Variants in ARHGEF26 observed in about 807,000 individuals in gnomAD.
ARHGEF26 encodes the protein Rho guanine nucleotide exchange factor (GEF) 26.
ARHGEF26 carries 59 observed loss-of-function variants against 89.4 expected under a neutral mutation model. The observed-to-expected ratio is 0.66, with a 90% CI of 0.54 to 0.82. The LOEUF is 0.82. Among genes scored for constraint, ARHGEF26 ranks in the 40% least tolerant of loss-of-function variants. The pLI is 0.00. For missense variants in ARHGEF26, 1,234 were observed against 1,085.6 expected (o/e 1.14, Z -1.92); for synonymous variants, 500 against 428.4 (o/e 1.17, Z -2.06).
At chr3:154,226,660 TACAC>T (rs3029724) in intron 11 of ARHGEF26, among the ~76,000 whole-genome samples, 77,291 of 147,986 alleles carry the variant, frequency 0.52, 20,601 homozygotes, top group East Asian at 0.82. Context: ...GTTTCTGTTC[TACAC>T]ACACACACAC....
In ARHGEF26 at chr3:154,122,270, A is replaced by G. The variant is rs574208989; in HGVS notation, c.278A>G (p.Asn93Ser). 6.1e-5 allele frequency: 99 copies of G among 1,612,464 alleles called. No homozygotes were observed. In the East Asian group the frequency reaches 6.5e-4, roughly 11 times the overall value. Residue 93 changes from asparagine to serine, a missense_variant, in exon 2 of 15, where the codon AAT becomes AGT. Physicochemically the swap from Asn to Ser is conservative, Grantham distance 46. Transcript: ENST00000465093. ...GGCGCCCAGCGGAGAGCGGTGGCCA[A>G]TGGTGGGACGGCATCCCCGGAGTAC... ...LLGAQRRAVA[N>S]GGTASPEYRA...
chr3:154,231,591 TC>T (rs1251845103), intron 11 of ARHGEF26, among the ~76,000 whole-genome samples: 1 of 132,704 alleles, frequency 7.5e-6, no homozygotes, highest in African/African-American at 2.8e-5. Flanking sequence ...GGTATTGTGT[TC>T]TCTCTCTAAA....
chr3:154,192,773 A>G lies in ARHGEF26; in HGVS notation c.1770+1355A>G, dbSNP rs369645721. Among the ~76,000 whole-genome samples, 16 of 152,302 alleles carry G rather than the reference A, an allele frequency of 1.1e-4. 1 individual carries two copies. In the South Asian group the frequency reaches 3.3e-3, roughly 32 times the overall value. On this transcript the variant is annotated intron_variant, in intron 8 of 14. Coordinates refer to ENST00000465093, the MANE Select transcript of ARHGEF26 (RefSeq NM_015595.4). ...GCCTTGTAAATACAACATTTCTTGTAATATTAGACTTTTGAATTTTCAGGG... is the reference window on the plus strand; with the variant it reads ...GCCTTGTAAATACAACATTTCTTGTGATATTAGACTTTTGAATTTTCAGGG...
Position 154,217,893 on chromosome 3 carries a change from G to A in ARHGEF26, c.1870G>A (p.Ala624Thr), listed in dbSNP as rs774329182. Residue 624 changes from alanine (A) to threonine (T), a missense_variant, in exon 10 of 15, where the codon GCC becomes ACC. Physicochemically the swap from Ala to Thr is moderately conservative, Grantham distance 58. Transcript: ENST00000465093. ...SKLVRLCNEGARKMERTEMMY... is the reference protein window; with the variant it reads ...SKLVRLCNEGTRKMERTEMMY... ...GTTGGTTCGACTATGCAATGAGGGCGCCCGGAAGATGGAAAGGACTGAGAT... is the reference window on the plus strand; with the variant it reads ...GTTGGTTCGACTATGCAATGAGGGCACCCGGAAGATGGAAAGGACTGAGAT... The A allele has an allele frequency of 5.0e-6, 8 of 1,602,014 alleles. No homozygotes were observed. Among genetic ancestry groups the A allele is most frequent in the Non-Finnish European group, 5.1e-6 (6 of 1,174,100 alleles).
chr3:154,153,623 A>G (rs1394466260), intron 6 of ARHGEF26, among the ~76,000 whole-genome samples: 1 of 152,100 alleles, frequency 6.6e-6, no homozygotes, highest in African/African-American at 2.4e-5. Context: ...TGTAAGTAGT[A>G]GAGTCACATG....
intron 3 of ARHGEF26, among the ~76,000 whole-genome samples, chr3:154,127,522 T>C (rs1232431797): frequency 3.0e-5 from 1 of 33,078 alleles, no homozygotes; most frequent in African/African-American, 2.1e-4. Flanking sequence ...GTAACATACA[T>C]GGGGCTGTCA....
intron 4 of ARHGEF26, among the ~76,000 whole-genome samples, chr3:154,143,964 G>A (rs937752148): frequency 6.6e-6 from 1 of 152,196 alleles, no homozygotes; most frequent in Admixed American, 6.5e-5. Flanking sequence ...GTAGCCCACA[G>A]CGGGAAATGC....
chr3:154,242,107 G>GA (rs1335772523), intron 12 of ARHGEF26, among the ~76,000 whole-genome samples: 3 of 152,164 alleles, frequency 2.0e-5, no homozygotes, highest in Non-Finnish European at 2.9e-5. Flanking sequence ...ACAGGCTAGA[G>GA]AAAAAACCAA....
rs572938340 is a variant in ARHGEF26, at chr3:154,122,972, T to C, written c.980T>C (p.Phe327Ser). 1.2e-5 allele frequency: 19 copies of C among 1,613,782 alleles called. No individual in the cohort carries two copies. Among genetic ancestry groups the C allele is most frequent in the African/African-American group, 1.1e-4 (8 of 75,032 alleles). ...AGGGCAGTGGTCAGTGGCTTTGATT[T>C]TGACAGTCCTACCAGCTCGAAGAAG... The part of the protein sequence containing the change: ...YRRAVVSGFD[F>S]DSPTSSKKKN... The change falls in exon 2 of 15, where the codon TTT becomes TCT. Residue 327 changes from phenylalanine (F) to serine (S), a missense_variant. Physicochemically the swap from Phe to Ser is radical, Grantham distance 155 (BLOSUM62 -2). Transcript: ENST00000465093.
At chr3:154,164,369 T>A (rs1486480642) in intron 6 of ARHGEF26, among the ~76,000 whole-genome samples, 1 of 152,076 alleles carries the variant, frequency 6.6e-6, no homozygotes, top group African/African-American at 2.4e-5. Flanking sequence ...ATGTAAGCCT[T>A]GTTTTTTAAT....
In ARHGEF26 at chr3:154,168,823, CT is replaced by C. The variant is rs137986201; in HGVS notation, c.1487+15901del. Among the ~76,000 whole-genome samples the C allele has an allele frequency of 9.5e-3, 1,409 of 149,086 alleles. 21 individuals carry two copies. Among genetic ancestry groups the C allele is most frequent in the African/African-American group, 0.032 (1,304 of 40,726 alleles). On this transcript the variant is annotated intron_variant, in intron 6 of 14. Coordinates refer to ENST00000465093, the MANE Select transcript of ARHGEF26 (RefSeq NM_015595.4). ...GCTGACTGTATATGCGATTCTGCCA[CT>C]TTTTTTTTTCTCTCAAGAAAGTTTA...
At chr3:154,126,302 C>T (rs946063610) in intron 3 of ARHGEF26, among the ~76,000 whole-genome samples, 3 of 152,090 alleles carry the variant, frequency 2.0e-5, no homozygotes, top group Non-Finnish European at 4.4e-5. Context: ...ACTCAAAATG[C>T]CCCAAACCAA....
chr3:154,165,294 T>G (rs1003952659), intron 6 of ARHGEF26, among the ~76,000 whole-genome samples: 1 of 152,168 alleles, frequency 6.6e-6, no homozygotes, highest in African/African-American at 2.4e-5. Context: ...ATAATTTTAT[T>G]TGTCCAGAAT....
At chr3:154,169,023 G>T (rs1354409190) in intron 6 of ARHGEF26, among the ~76,000 whole-genome samples, 3 of 152,118 alleles carry the variant, frequency 2.0e-5, no homozygotes, top group African/African-American at 7.2e-5. Flanking sequence ...TACAAGGTGG[G>T]AAATTATTGA....
intron 11 of ARHGEF26, among the ~76,000 whole-genome samples, chr3:154,233,134 A>AT (rs779905319): frequency 6.6e-6 from 1 of 151,982 alleles, no homozygotes; most frequent in Non-Finnish European, 1.5e-5. Flanking sequence ...TCCAGCCTAG[A>AT]ATTGGGTTTC....
intron 12 of ARHGEF26, among the ~76,000 whole-genome samples, chr3:154,243,406 A>G (rs187850517): frequency 2.0e-5 from 3 of 152,274 alleles, no homozygotes; most frequent in East Asian, 1.9e-4. Context: ...TTCATAATTT[A>G]TGTAGTCTCC....
intron 4 of ARHGEF26, among the ~76,000 whole-genome samples, chr3:154,138,437 TATAGAC>T (rs1719153231): frequency 6.6e-6 from 1 of 152,166 alleles, no homozygotes; most frequent in Non-Finnish European, 1.5e-5. Context: ...CTCCTAAAAA[TATAGAC>T]AGAGATTGAG....
At chr3:154,239,781 G>A (rs1419504597) in intron 11 of ARHGEF26, among the ~76,000 whole-genome samples, 2 of 152,134 alleles carry the variant, frequency 1.3e-5, no homozygotes, top group African/African-American at 4.8e-5. Flanking sequence ...GAGAAAGAAG[G>A]ATATTGGGGT....
intron 9 of ARHGEF26, among the ~76,000 whole-genome samples, chr3:154,212,719 A>T (rs1715454710): frequency 6.6e-6 from 1 of 152,122 alleles, no homozygotes; most frequent in African/African-American, 2.4e-5. Context: ...CGCAGTTTAC[A>T]ATAAGGTTCA....
Sources: allele counts gnomAD v4.1 joint callset (sites outside exome capture counted in the v4.1 genomes callset), GRCh38; gene constraint gnomAD v4.1.1; transcripts MANE v1.5; gene names NCBI Gene and HGNC (gene_info 2026-07-23, HGNC 2026-07-21).